Variants in CLSTN1 observed in about 807,000 individuals in gnomAD.
CLSTN1 encodes the protein calsyntenin 1.
In CLSTN1, 28 loss-of-function variants were observed where a neutral mutation model predicts 108.3. The observed-to-expected ratio is 0.26, with a 90% CI of 0.19 to 0.35. The LOEUF is 0.35. Ranked by LOEUF, CLSTN1 falls within the 10% of genes least tolerant of loss-of-function variation. The probability of loss-of-function intolerance (pLI) is 1.00; values close to 1 mark genes in which losing one functional copy is unlikely to be tolerated. For missense variants in CLSTN1, 1,157 were observed against 1,302.6 expected, an observed-to-expected ratio of 0.89 and a Z score of 1.72; for synonymous variants, 524 against 534.9, an observed-to-expected ratio of 0.98 and a Z score of 0.28.
At position 9,730,667 on chromosome 1, in the gene CLSTN1, T is replaced by TTCC. The variant is rs753542464; in HGVS notation, c.2784_2786dup (p.Glu935dup). On this transcript the variant is annotated inframe_insertion, in exon 19 of 19. Transcript: ENST00000377298. This position sits in a 1 kb window ranked among gnomAD's most constrained non-coding sequence, Gnocchi z 5.6. ...CCTCGCTTTCCTCTTCCTCTTCCTC[T>TTCC]TCCTCCTCCTCCTCACTGCTGTGCT... is the stretch of plus-strand genomic sequence containing the variant. 5.2e-5 allele frequency: 84 copies of TTCC among 1,608,822 alleles called. No homozygotes were observed. Among genetic ancestry groups the TTCC allele is most frequent in the Middle Eastern group, 3.3e-4 (2 of 6,084 alleles).
chr1:9,755,350 T>C (rs200704012), intron 3 of CLSTN1, 41 bp from the exon 4 acceptor site: 228 of 1,529,392 alleles, frequency 1.5e-4, no homozygotes, highest in Non-Finnish European at 9.1e-5. Context: ...TCCTACCACA[T>C]AGATCTTCTG....
chr1:9,774,575 A>T (rs896985790), intron 1 of CLSTN1, among the ~76,000 whole-genome samples: 1 of 151,998 alleles, frequency 6.6e-6, no homozygotes, highest in Non-Finnish European at 1.5e-5. Flanking sequence ...CAAAAAAAAA[A>T]AAATAATCCA....
At chr1:9,822,417 C>G (rs1001182409) in intron 1 of CLSTN1, among the ~76,000 whole-genome samples, 1 of 152,166 alleles carries the variant, frequency 6.6e-6, no homozygotes, top group African/African-American at 2.4e-5. Flanking sequence ...TTCGTGAACA[C>G]CATACTTCTC....
intron 1 of CLSTN1, among the ~76,000 whole-genome samples, chr1:9,785,967 G>A (rs557386029): frequency 6.6e-6 from 1 of 152,004 alleles, no homozygotes; most frequent in East Asian, 1.9e-4. Context: ...CTTGAGTTCA[G>A]GAGTTCGACA....
rs202203353 is a variant in CLSTN1 at position 9,773,394 on chromosome 1, A to G, written c.92T>C (p.Val31Ala). The G allele has an allele frequency of 4.0e-5, 64 of 1,600,482 alleles. No individual in the cohort carries two copies. The highest frequency in any genetic ancestry group is 8.5e-7 in the Non-Finnish European group (1 of 1,174,220). The change falls in exon 2 of 19, where the codon GTT (valine) becomes GCT (alanine). Residue 31 changes from valine (V) to alanine (A), a missense_variant and splice_region_variant. Val to Ala is a moderately conservative substitution (Grantham distance 64). Coordinates refer to ENST00000377298, the MANE Select transcript of CLSTN1 (RefSeq NM_001009566.3). Reference protein sequence around the residue: ...LCGGGVWAARVNKHKPWLEPT... With the variant: ...LCGGGVWAARANKHKPWLEPT... ...CTCCAGCCAGGGCTTGTGCTTGTTA[A>G]CTGTGTTTAAAACAAGAGAAAAAAA... is the stretch of plus-strand genomic sequence containing the variant.
intron 7 of CLSTN1, among the ~76,000 whole-genome samples, chr1:9,748,208 G>A (rs953849525): frequency 6.6e-6 from 1 of 152,076 alleles, no homozygotes; most frequent in Non-Finnish European, 1.5e-5. Context: ...CATTTAGTGG[G>A]ATTTTATCAC....
chr1:9,796,038 G>A (rs1653977024), intron 1 of CLSTN1, among the ~76,000 whole-genome samples: 1 of 150,772 alleles, frequency 6.6e-6, no homozygotes, highest in South Asian at 2.2e-4. Context: ...AAGGTGGCCG[G>A]ATCACTTGAA....
chr1:9,816,536 T>TAA (rs372892139), intron 1 of CLSTN1, among the ~76,000 whole-genome samples: 1 of 141,158 alleles, frequency 7.1e-6, no homozygotes. Context: ...AAAGCTGCTT[T>TAA]AAAAAAAAAA....
At position 9,788,291 on chromosome 1, in the gene CLSTN1, C is replaced by T. The variant is rs150453750; in HGVS notation, c.92-14897G>A. Among the ~76,000 whole-genome samples, 94 of 151,498 alleles carry T rather than the reference C, an allele frequency of 6.2e-4. 1 individual carries two copies. Among genetic ancestry groups the T allele is most frequent in the African/African-American group, 2.1e-3 (89 of 41,510 alleles). On this transcript the variant is annotated intron_variant, in intron 1 of 18. Transcript: ENST00000377298. ...AAATAAAGAATTTGACCATTCTAGG[C>T]CAGATGCGGTAGCTCATGCCTGTAA...
chr1:9,811,484 T>C (rs1233823994), intron 1 of CLSTN1, among the ~76,000 whole-genome samples: 1 of 152,172 alleles, frequency 6.6e-6, no homozygotes, highest in Non-Finnish European at 1.5e-5. Context: ...AAGCAAGCTC[T>C]GACCTTGCCA....
intron 1 of CLSTN1, among the ~76,000 whole-genome samples, chr1:9,800,548 T>C (rs1557721102): frequency 1.6e-5 from 2 of 124,372 alleles, no homozygotes; most frequent in African/African-American, 6.2e-5. Context: ...TGAAACCCCG[T>C]CTCCACTAGA....
chr1:9,757,242 A>C (rs1651858095), intron 2 of CLSTN1, among the ~76,000 whole-genome samples: 1 of 150,532 alleles, frequency 6.6e-6, no homozygotes. Context: ...TTGGAGCAAA[A>C]GGTTTTTTTT....
At chr1:9,821,730 A>G (rs886128350) in intron 1 of CLSTN1, among the ~76,000 whole-genome samples, 1 of 152,248 alleles carries the variant, frequency 6.6e-6, no homozygotes, top group Admixed American at 6.5e-5. Flanking sequence ...TTTCAAAATG[A>G]AATTGTTTAT....
At chr1:9,738,806 G>A (rs1348702418) in intron 10 of CLSTN1, among the ~76,000 whole-genome samples, 2 of 152,176 alleles carry the variant, frequency 1.3e-5, no homozygotes, top group East Asian at 1.9e-4. Flanking sequence ...ACGCCACCAC[G>A]CCTGGCTAAT....
At chr1:9,744,057 A>T in intron 8 of CLSTN1, 52 bp from the exon 9 acceptor site, 2 of 1,596,210 alleles carry the variant, frequency 1.3e-6, no homozygotes, top group Non-Finnish European at 8.6e-7. Flanking sequence ...CCAAAGGAGA[A>T]ATTAAAGCTG....
rs1439139692 is a variant in CLSTN1 at position 9,731,947 on chromosome 1, C to G, written c.2428-51G>C. 3.1e-6 allele frequency: 5 copies of G among 1,608,634 alleles called. No individual in the cohort carries two copies. The African/African-American group carries it at 5.4e-5, about 17-fold the overall frequency. ...TGGAGACAGGCATCCTGAGCCTGTC[C>G]AAGAGGTGACAGTGGAGTCCCGCAG... On this transcript the variant is annotated intron_variant, in intron 16 of 18. Coordinates refer to ENST00000377298, the MANE Select transcript of CLSTN1 (RefSeq NM_001009566.3).
intron 1 of CLSTN1, among the ~76,000 whole-genome samples, chr1:9,776,258 C>T (rs754649910): frequency 3.9e-5 from 6 of 152,110 alleles, no homozygotes; most frequent in Admixed American, 2.0e-4. Flanking sequence ...TGAGCCACTG[C>T]GCCAAGCCGC....
chr1:9,751,747 G>T lies in CLSTN1; in HGVS notation c.441-66C>A, dbSNP rs568006234. On this transcript the variant is annotated intron_variant, in intron 4 of 18. Transcript: ENST00000377298. Reference sequence around the variant, plus strand: ...TCAGTGTGAGAGAGAGACAGAGAGTGTGTATGTGTGTTTACCCAATTCTGC... The same window carrying T: ...TCAGTGTGAGAGAGAGACAGAGAGTTTGTATGTGTGTTTACCCAATTCTGC... The T allele has an allele frequency of 1.2e-4, 163 of 1,403,152 alleles. No individual in the cohort carries two copies. In the African/African-American group the frequency reaches 1.9e-3, roughly 17 times the overall value. 86.9% of individuals were successfully genotyped at this position (1,403,152 alleles called of 1,614,324 possible). A position where few individuals can be genotyped will look rare whatever the true frequency, so the allele number is the denominator to read the frequency against.
At chr1:9,759,695 T>C (rs1042884032) in intron 2 of CLSTN1, among the ~76,000 whole-genome samples, 1 of 152,208 alleles carries the variant, frequency 6.6e-6, no homozygotes, top group Non-Finnish European at 1.5e-5. Context: ...AGTTACATCA[T>C]TGCGAAAGAG....
Sources: allele counts gnomAD v4.1 joint callset (sites outside exome capture counted in the v4.1 genomes callset), GRCh38; gene constraint gnomAD v4.1.1; non-coding constraint Gnocchi (gnomAD v3.1); transcripts MANE v1.5; gene names NCBI Gene and HGNC (gene_info 2026-07-23, HGNC 2026-07-21).